ACOXL: variants seen among roughly 807,000 people sequenced by gnomAD.
The protein encoded by ACOXL is acyl-coenzyme A oxidase-like protein.
In ACOXL, 70 loss-of-function variants were observed where a neutral mutation model predicts 71.9. The observed-to-expected ratio is 0.97, with a 90% CI of 0.80 to 1.19. ACOXL has a LOEUF of 1.19. Ranked by LOEUF, ACOXL falls within the 50% of genes most tolerant of loss-of-function variation. The probability of loss-of-function intolerance (pLI) is 0.00; values close to 1 mark genes in which losing one functional copy is unlikely to be tolerated. For missense variants in ACOXL, 703 were observed against 736.3 expected (o/e 0.95, Z 0.52); for synonymous variants, 253 against 281.6 (o/e 0.90, Z 1.02).
chr2:110,772,972 A>G (rs181073769), intron 2 of ACOXL, among the ~76,000 whole-genome samples: 74 of 152,264 alleles, frequency 4.9e-4, no homozygotes, highest in Admixed American at 9.8e-4. Context: ...AATTATGACT[A>G]TTTTTCATAA....
intron 11 of ACOXL, among the ~76,000 whole-genome samples, chr2:110,910,663 C>T (rs566028687): frequency 6.6e-6 from 1 of 152,220 alleles, no homozygotes; most frequent in Admixed American, 6.5e-5. Flanking sequence ...GAAATGTTGT[C>T]ACATTGCTGT....
intron 3 of ACOXL, among the ~76,000 whole-genome samples, chr2:110,786,373 A>T (rs1573508757): frequency 6.6e-6 from 1 of 152,222 alleles, no homozygotes; most frequent in African/African-American, 2.4e-5. Context: ...GTCCACCATC[A>T]GATTTTTCCA....
At chr2:111,116,089 A>G (rs971762485) in intron 17 of ACOXL, among the ~76,000 whole-genome samples, 8 of 152,192 alleles carry the variant, frequency 5.3e-5, no homozygotes, top group African/African-American at 1.9e-4. Context: ...AGGGAAAATT[A>G]TCTTGAATAA....
intron 17 of ACOXL, among the ~76,000 whole-genome samples, chr2:111,104,866 G>A (rs911174486): frequency 4.6e-5 from 7 of 151,998 alleles, no homozygotes; most frequent in African/African-American, 1.4e-4. Context: ...GGACTGTAAT[G>A]TACTTTTACT....
Position 110,835,942 on chromosome 2 carries a change from T to C in ACOXL, c.754-5429T>C, listed in dbSNP as rs138729456. ...ATCGGCCTAAAACAACCCTGTGGAG[T>C]AGGTAACATTATCCTCATTTCACAA... On this transcript the variant is annotated intron_variant, in intron 9 of 17. Coordinates refer to ENST00000439055, the MANE Select transcript of ACOXL (RefSeq NM_001142807.4). Among the ~76,000 whole-genome samples, 49 of 152,114 alleles carry C rather than the reference T, an allele frequency of 3.2e-4. No homozygotes were observed. In the East Asian group the frequency reaches 5.2e-3, roughly 16 times the overall value.
At chr2:110,949,549 A>AT (rs1205856841) in intron 12 of ACOXL, among the ~76,000 whole-genome samples, 2 of 152,172 alleles carry the variant, frequency 1.3e-5, no homozygotes, top group African/African-American at 4.8e-5. Context: ...GGCTATAGGG[A>AT]TTTACAAAGA....
chr2:110,935,731 C>G (rs758757121), intron 12 of ACOXL, among the ~76,000 whole-genome samples: 31 of 152,152 alleles, frequency 2.0e-4, no homozygotes, highest in Non-Finnish European at 3.7e-4. Flanking sequence ...TGTGGCTTTT[C>G]CATAACAACC....
intron 17 of ACOXL, among the ~76,000 whole-genome samples, chr2:111,114,706 G>T (rs538277551): frequency 6.6e-6 from 1 of 152,074 alleles, no homozygotes; most frequent in East Asian, 1.9e-4. Context: ...GGAAAATATG[G>T]TTTGTTCAGA....
intron 9 of ACOXL, among the ~76,000 whole-genome samples, chr2:110,832,305 G>A (rs943265920): frequency 2.0e-5 from 3 of 152,252 alleles, no homozygotes; most frequent in South Asian, 2.1e-4. Flanking sequence ...TTGGGAGGCC[G>A]AGGCGGGTGG....
At chr2:110,842,477 A>G (rs551270075) in intron 10 of ACOXL, among the ~76,000 whole-genome samples, 7 of 152,362 alleles carry the variant, frequency 4.6e-5, no homozygotes, top group East Asian at 1.9e-4. Flanking sequence ...TTTATTTAAT[A>G]TAAGTTTTAT....
chr2:110,912,794 C>G (rs2059691707), intron 11 of ACOXL, among the ~76,000 whole-genome samples: 3 of 152,210 alleles, frequency 2.0e-5, no homozygotes, highest in Admixed American at 2.0e-4. Context: ...CTTAAAAAGT[C>G]ACCATCAAGA....
At chr2:110,988,202 CCAGGA>C in intron 13 of ACOXL, among the ~76,000 whole-genome samples, 1 of 152,302 alleles carries the variant, frequency 6.6e-6, no homozygotes. Context: ...CTTTGGGAGG[CCAGGA>C]CAGAAGGATT....
At chr2:110,891,598 C>T (rs575439639) in intron 10 of ACOXL, among the ~76,000 whole-genome samples, 3 of 151,902 alleles carry the variant, frequency 2.0e-5, no homozygotes, top group Non-Finnish European at 4.4e-5. Flanking sequence ...ATACTACAGA[C>T]TCTCATTGTT....
At chr2:110,797,388 G>A (rs1166940545) in intron 5 of ACOXL, among the ~76,000 whole-genome samples, 1 of 152,126 alleles carries the variant, frequency 6.6e-6, no homozygotes, top group African/African-American at 2.4e-5. Flanking sequence ...CATTTTAGGA[G>A]CTTGAACATA....
At chr2:110,789,763 C>A (rs1684428009) in intron 3 of ACOXL, among the ~76,000 whole-genome samples, 1 of 152,202 alleles carries the variant, frequency 6.6e-6, no homozygotes, top group South Asian at 2.1e-4. Flanking sequence ...TCCCCGTTGT[C>A]TCAAAAAACA....
At chr2:110,781,788 A>G (rs1367588141) in intron 2 of ACOXL, among the ~76,000 whole-genome samples, 2 of 152,220 alleles carry the variant, frequency 1.3e-5, no homozygotes, top group Admixed American at 1.3e-4. Context: ...GTGGGTTAAC[A>G]TCAGAGGAAA....
chr2:110,803,227 T>A (rs1686210651), intron 8 of ACOXL, among the ~76,000 whole-genome samples: 1 of 152,096 alleles, frequency 6.6e-6, no homozygotes, highest in Non-Finnish European at 1.5e-5. Context: ...CAAAACAATC[T>A]TGATAAAGAA....
chr2:110,889,068 A>G (rs1697647567), intron 10 of ACOXL, among the ~76,000 whole-genome samples: 1 of 152,198 alleles, frequency 6.6e-6, no homozygotes, highest in Admixed American at 6.5e-5. Context: ...TCCTGAAGTG[A>G]GTTTTGTCTT....
intron 12 of ACOXL, among the ~76,000 whole-genome samples, chr2:110,948,338 T>C (rs1038598740): frequency 5.3e-5 from 8 of 152,208 alleles, no homozygotes; most frequent in African/African-American, 1.9e-4. Context: ...TCCAAGTGTT[T>C]GTAAATTTTT....
Sources: allele counts gnomAD v4.1 joint callset (sites outside exome capture counted in the v4.1 genomes callset), GRCh38; gene constraint gnomAD v4.1.1; transcripts MANE v1.5; gene names NCBI Gene and HGNC (gene_info 2026-07-23, HGNC 2026-07-21).